The following TSHZ2 variants were observed in gnomAD, a reference collection of about 807,000 sequenced individuals.
The protein encoded by TSHZ2 is teashirt homolog 2.
A neutral mutation model predicts 74.4 loss-of-function variants in TSHZ2; 21 were observed. That is an observed-to-expected ratio of 0.28 (90% confidence interval 0.20 to 0.41). TSHZ2 has a LOEUF of 0.41. Among genes scored for constraint, TSHZ2 ranks in the 10% least tolerant of loss-of-function variants. The probability of loss-of-function intolerance (pLI) is 1.00; values close to 1 mark genes in which losing one functional copy is unlikely to be tolerated. For missense variants in TSHZ2, 1,244 were observed against 1,293.5 expected, an observed-to-expected ratio of 0.96 and a Z score of 0.59; for synonymous variants, 540 against 515.3, an observed-to-expected ratio of 1.05 and a Z score of -0.65.
chr20:53,277,054 G>C (rs1272939391), intron 2 of TSHZ2, among the ~76,000 whole-genome samples: 1 of 152,178 alleles, frequency 6.6e-6, no homozygotes, highest in Non-Finnish European at 1.5e-5. Flanking sequence ...GAAAAGGAGT[G>C]GGTAGCCAGG....
chr20:53,326,688 G>A (rs1979508057), intron 2 of TSHZ2, among the ~76,000 whole-genome samples: 1 of 152,166 alleles, frequency 6.6e-6, no homozygotes, highest in African/African-American at 2.4e-5. Flanking sequence ...CATCGTTGGA[G>A]GAGGAAATAT....
intron 2 of TSHZ2, among the ~76,000 whole-genome samples, chr20:53,420,612 G>A (rs1983434920): frequency 6.6e-6 from 1 of 152,172 alleles, no homozygotes; most frequent in Middle Eastern, 3.4e-3. Flanking sequence ...TGTAGTCCCA[G>A]CTACTTGGGA....
intron 2 of TSHZ2, among the ~76,000 whole-genome samples, chr20:53,391,293 C>T (rs1379475447): frequency 2.0e-5 from 3 of 152,008 alleles, no homozygotes; most frequent in Non-Finnish European, 4.4e-5. Flanking sequence ...ACTACAGGCA[C>T]CCGCCACCAC....
At chr20:53,428,616 A>G (rs1983734939) in intron 2 of TSHZ2, among the ~76,000 whole-genome samples, 1 of 152,170 alleles carries the variant, frequency 6.6e-6, no homozygotes, top group South Asian at 2.1e-4. Flanking sequence ...ATTACACTTT[A>G]ATTTTCTGAA....
intron 1 of TSHZ2, among the ~76,000 whole-genome samples, chr20:53,084,563 A>G (rs916184289): frequency 3.3e-5 from 5 of 152,058 alleles, no homozygotes; most frequent in African/African-American, 1.2e-4. Flanking sequence ...TCTTAATTTC[A>G]TGTTCAATTT....
At chr20:53,033,844 G>GAGA (rs1316816131) in intron 1 of TSHZ2, among the ~76,000 whole-genome samples, 1 of 151,574 alleles carries the variant, frequency 6.6e-6, no homozygotes, top group Non-Finnish European at 1.5e-5. Context: ...ATTTTTGGTG[G>GAGA]AGACAGGATT....
At chr20:52,976,565 G>A (rs893750087) in intron 1 of TSHZ2, among the ~76,000 whole-genome samples, 5 of 152,174 alleles carry the variant, frequency 3.3e-5, no homozygotes, top group East Asian at 1.9e-4. Context: ...AAAACAGAAC[G>A]GTGTTTTGAT....
At chr20:53,369,987 T>G (rs899690428) in intron 2 of TSHZ2, among the ~76,000 whole-genome samples, 5 of 152,184 alleles carry the variant, frequency 3.3e-5, no homozygotes, top group African/African-American at 4.8e-5. Context: ...TGAAATTTTT[T>G]TTAATCTGAT....
chr20:53,356,153 A>T (rs574978897), intron 2 of TSHZ2, among the ~76,000 whole-genome samples: 3 of 152,218 alleles, frequency 2.0e-5, no homozygotes, highest in Non-Finnish European at 4.4e-5. Context: ...ATACTTGACA[A>T]CATTCTACCT....
At chr20:53,413,591 C>T (rs274856) in intron 2 of TSHZ2, among the ~76,000 whole-genome samples, 89,232 of 152,118 alleles carry the variant, frequency 0.59, 28,435 homozygotes, top group African/African-American at 0.85. Context: ...GGAGATGACA[C>T]GAGTTAATAT....
In TSHZ2 at chr20:53,255,093, C is replaced by T. The variant is rs756865391; in HGVS notation, c.1635C>T (p.His545=). ...GCTGGAGTGCCTACCCCAGCATCCA[C>T]GCAGCCTACCAGCTGTCTGAGGGCA... ...APSWSAYPSI[H]AAYQLSEGTK... The change falls in exon 2 of 3, where the codon CAC becomes CAT. Residue 545 remains histidine, a synonymous_variant. Transcript: ENST00000371497. The surrounding 1 kb of genome is among the most constrained non-coding windows in gnomAD (Gnocchi z 4.1). The T allele has an allele frequency of 9.3e-6, 15 of 1,614,170 alleles. No homozygotes were observed. The East Asian group carries it at 1.3e-4, about 14-fold the overall frequency.
At chr20:53,289,641 T>C (rs1026467899) in intron 2 of TSHZ2, among the ~76,000 whole-genome samples, 16 of 152,190 alleles carry the variant, frequency 1.1e-4, no homozygotes, top group African/African-American at 3.9e-4. Flanking sequence ...TCATGTCCTT[T>C]GGAGGAAGGC....
intron 2 of TSHZ2, among the ~76,000 whole-genome samples, chr20:53,377,879 ACTGGCCAAGTCCCGTG>A (rs1340915720): frequency 6.6e-6 from 1 of 151,614 alleles, no homozygotes; most frequent in East Asian, 2.0e-4. Flanking sequence ...ACAAAAGGCT[ACTGGCCAAGTCCCGTG>A]GCCAGAGTTT....
intron 1 of TSHZ2, among the ~76,000 whole-genome samples, chr20:53,149,915 A>T (rs888105297): frequency 1.3e-5 from 2 of 152,212 alleles, no homozygotes; most frequent in Non-Finnish European, 1.5e-5. Flanking sequence ...TCCGTCACCA[A>T]ATGGATCTCC....
chr20:53,134,253 T>G (rs1202361190), intron 1 of TSHZ2, among the ~76,000 whole-genome samples: 1 of 152,248 alleles, frequency 6.6e-6, no homozygotes, highest in Non-Finnish European at 1.5e-5. Flanking sequence ...TGCTCCATCT[T>G]CATTTTTATC....
chr20:53,110,035 T>G (rs904671208), intron 1 of TSHZ2, among the ~76,000 whole-genome samples: 8 of 152,212 alleles, frequency 5.3e-5, no homozygotes, highest in African/African-American at 1.7e-4. Context: ...TTTTTTCACC[T>G]AACAATTCCT....
At chr20:53,008,827 C>A (rs1024515782) in intron 1 of TSHZ2, among the ~76,000 whole-genome samples, 3 of 152,012 alleles carry the variant, frequency 2.0e-5, no homozygotes, top group Non-Finnish European at 4.4e-5. Context: ...TCAGATCATA[C>A]CAAGTCTTAT....
At chr20:53,470,695 C>A (rs1985771680) in intron 2 of TSHZ2, among the ~76,000 whole-genome samples, 1 of 151,996 alleles carries the variant, frequency 6.6e-6, no homozygotes, top group Non-Finnish European at 1.5e-5. Flanking sequence ...GCACCTGTAA[C>A]CCCAGCCACT....
At chr20:53,338,525 G>A (rs1170194264) in intron 2 of TSHZ2, among the ~76,000 whole-genome samples, 1 of 152,186 alleles carries the variant, frequency 6.6e-6, no homozygotes, top group Non-Finnish European at 1.5e-5. Context: ...AAATCGACAA[G>A]GTGACTTTGC....
Sources: gnomAD v4.1 joint callset for allele counts (sites outside exome capture counted in the v4.1 genomes callset) on GRCh38, gnomAD v4.1.1 for gene constraint, Gnocchi (gnomAD v3.1) non-coding constraint, MANE v1.5 for transcripts, NCBI Gene and HGNC (gene_info 2026-07-23, HGNC 2026-07-21) for gene names.